Variants in TMEM196 observed in about 807,000 individuals in gnomAD.
The protein encoded by TMEM196 is transmembrane protein 196.
In TMEM196, 17 loss-of-function variants were observed where a neutral mutation model predicts 20.0. The ratio of observed to expected loss-of-function variants is 0.85; its 90% CI spans 0.58 to 1.27. TMEM196 has a LOEUF of 1.27. TMEM196 is among the 50% of genes most tolerant of loss of function. The pLI, the probability that TMEM196 is intolerant of heterozygous loss-of-function variation, is 0.00. For missense variants in TMEM196, 267 were observed against 223.0 expected (o/e 1.20, Z -1.26); for synonymous variants, 113 against 88.9 (o/e 1.27, Z -1.52).
Position 19,731,396 on chromosome 7 carries a change from T to G in TMEM196, c.148-1958A>C, listed in dbSNP as rs144332466. On this transcript the variant is annotated intron_variant, in intron 1 of 4. Coordinates refer to ENST00000405844, the MANE Select transcript of TMEM196 (RefSeq NM_001363562.2). The stretch of plus-strand genomic sequence containing the variant: ...TAGATGATCATGTCCTCTTATGGAC[T>G]CTTTCTGTTACTAATTTCATCTCAC... 1.7e-3 allele frequency among the ~76,000 whole-genome samples: 252 copies of G among 152,350 alleles called. 3 individuals are homozygous for G. The highest frequency in any genetic ancestry group is 5.8e-3 in the African/African-American group (241 of 41,582).
At chr7:19,734,503 A>T (rs1445053509) in intron 1 of TMEM196, among the ~76,000 whole-genome samples, 1 of 152,218 alleles carries the variant, frequency 6.6e-6, no homozygotes, top group Non-Finnish European at 1.5e-5. Context: ...GGGATGCCTT[A>T]AATGTAATCA....
chr7:19,751,996 G>C (rs1026113585), intron 1 of TMEM196, among the ~76,000 whole-genome samples: 1 of 152,120 alleles, frequency 6.6e-6, no homozygotes, highest in Non-Finnish European at 1.5e-5. Flanking sequence ...AAATAATTGT[G>C]TATTAATTTC....
At chr7:19,765,165 A>C (rs2128039362) in intron 1 of TMEM196, among the ~76,000 whole-genome samples, 1 of 152,340 alleles carries the variant, frequency 6.6e-6, no homozygotes, top group South Asian at 2.1e-4. Flanking sequence ...GTTAACTATT[A>C]ATAAATCATG....
rs375490265 is a variant in TMEM196 at position 19,747,210 on chromosome 7, G to C, written c.148-17772C>G. Among the ~76,000 whole-genome samples, 380 of 148,446 alleles carry C rather than the reference G, an allele frequency of 2.6e-3. 5 individuals carry two copies. The East Asian group carries it at 0.033, about 13-fold the overall frequency. Reference sequence around the variant, plus strand: ...GCGGAGCTTGCAGTTAGCCGAGATCGCGCCACTGCACTCCAGCCTGGGCGA... The same window carrying C: ...GCGGAGCTTGCAGTTAGCCGAGATCCCGCCACTGCACTCCAGCCTGGGCGA... On this transcript the variant is annotated intron_variant, in intron 1 of 4. Coordinates refer to ENST00000405844, the MANE Select transcript of TMEM196 (RefSeq NM_001363562.2).
chr7:19,766,173 C>T (rs1189424255), intron 1 of TMEM196, among the ~76,000 whole-genome samples: 2 of 151,910 alleles, frequency 1.3e-5, no homozygotes, highest in Non-Finnish European at 2.9e-5. Flanking sequence ...CCACTGATAC[C>T]GTTATATTGA....
chr7:19,725,817 C>CCAGA, intron 2 of TMEM196, 49 bp from the exon 3 acceptor site: 1 of 1,540,478 alleles, frequency 6.5e-7, no homozygotes, highest in Non-Finnish European at 8.8e-7. Context: ...GCAAACCTGA[C>CCAGA]CAGAACACAG....
chr7:19,743,699 C>G (rs1301624529), intron 1 of TMEM196, among the ~76,000 whole-genome samples: 1 of 152,072 alleles, frequency 6.6e-6, no homozygotes, highest in African/African-American at 2.4e-5. Context: ...GGAGAAATAT[C>G]TCATCTCTCC....
intron 1 of TMEM196, among the ~76,000 whole-genome samples, chr7:19,742,401 G>C (rs1784611829): frequency 6.6e-6 from 1 of 152,092 alleles, no homozygotes; most frequent in African/African-American, 2.4e-5. Context: ...CACAGGGAGA[G>C]TATGGTGCCC....
chr7:19,734,300 TCTTA>T (rs370019780), intron 1 of TMEM196, among the ~76,000 whole-genome samples: 1 of 152,168 alleles, frequency 6.6e-6, no homozygotes, highest in Non-Finnish European at 1.5e-5. Flanking sequence ...CCAGCCAAAC[TCTTA>T]CTTAAGCAAG....
At chr7:19,768,315 A>G (rs1468010548) in intron 1 of TMEM196, among the ~76,000 whole-genome samples, 2 of 152,104 alleles carry the variant, frequency 1.3e-5, no homozygotes, top group African/African-American at 4.8e-5. Context: ...AGATGGATGG[A>G]ATTTTAGCAT....
At chr7:19,748,672 T>C (rs1784851675) in intron 1 of TMEM196, among the ~76,000 whole-genome samples, 1 of 152,122 alleles carries the variant, frequency 6.6e-6, no homozygotes, top group African/African-American at 2.4e-5. Context: ...AATGCTGAAC[T>C]CTCCAACGTA....
chr7:19,757,747 T>C (rs894541368), intron 1 of TMEM196, among the ~76,000 whole-genome samples: 19 of 152,236 alleles, frequency 1.2e-4, no homozygotes, highest in Non-Finnish European at 2.2e-4. Context: ...AAGTGATTGG[T>C]ATATAAAATT....
At chr7:19,771,358 G>A (rs989465086) in intron 1 of TMEM196, among the ~76,000 whole-genome samples, 7 of 151,904 alleles carry the variant, frequency 4.6e-5, no homozygotes, top group African/African-American at 1.7e-4. Flanking sequence ...TTGTAGTTCT[G>A]CAATTTAAAA....
intron 1 of TMEM196, among the ~76,000 whole-genome samples, chr7:19,734,781 G>A (rs1359924495): frequency 3.3e-5 from 5 of 152,100 alleles, no homozygotes; most frequent in African/African-American, 7.2e-5. Context: ...ACTAATTTCC[G>A]TTGTTTTAAG....
At chr7:19,767,164 G>C (rs1785665426) in intron 1 of TMEM196, among the ~76,000 whole-genome samples, 1 of 152,050 alleles carries the variant, frequency 6.6e-6, no homozygotes, top group African/African-American at 2.4e-5. Flanking sequence ...CATGTGAACA[G>C]AATCTAGACT....
At chr7:19,759,547 C>T (rs1330216197) in intron 1 of TMEM196, among the ~76,000 whole-genome samples, 3 of 152,100 alleles carry the variant, frequency 2.0e-5, no homozygotes, top group Non-Finnish European at 4.4e-5. Flanking sequence ...CAGTCCACAG[C>T]ATCTCTCTAT....
intron 1 of TMEM196, among the ~76,000 whole-genome samples, chr7:19,750,315 C>G (rs938716648): frequency 6.6e-6 from 1 of 152,062 alleles, no homozygotes; most frequent in African/African-American, 2.4e-5. Context: ...AAGCATATAT[C>G]AAAACATCAC....
intron 1 of TMEM196, among the ~76,000 whole-genome samples, chr7:19,760,088 C>G (rs952290081): frequency 6.6e-6 from 1 of 152,142 alleles, no homozygotes; most frequent in African/African-American, 2.4e-5. Flanking sequence ...GGCTCACTAT[C>G]TCACTCAATG....
intron 4 of TMEM196, 57 bp from the exon 5 acceptor site, chr7:19,722,191 T>C: frequency 1.4e-6 from 2 of 1,469,058 alleles, no homozygotes; most frequent in Non-Finnish European, 9.4e-7. Context: ...GACATTGTTT[T>C]GGTTAATGAG....
Sources: allele counts gnomAD v4.1 joint callset (sites outside exome capture counted in the v4.1 genomes callset), GRCh38; gene constraint gnomAD v4.1.1; transcripts MANE v1.5; gene names NCBI Gene and HGNC (gene_info 2026-07-23, HGNC 2026-07-21).